Variants in TIRAP observed in about 807,000 individuals in gnomAD.
TIRAP encodes the protein toll/interleukin-1 receptor domain-containing adapter protein.
Under a neutral mutation model 19.8 loss-of-function variants are expected in TIRAP, and 20 were observed. The observed-to-expected ratio is 1.01, with a 90% CI of 0.71 to 1.47. TIRAP has a LOEUF of 1.47. Ranked by LOEUF, TIRAP falls within the 40% of genes most tolerant of loss-of-function variation. TIRAP has a pLI of 0.00. For synonymous variants in TIRAP, 125 were observed against 121.7 expected, an observed-to-expected ratio of 1.03 and a Z score of -0.18; for missense variants, 276 against 285.1, an observed-to-expected ratio of 0.97 and a Z score of 0.23.
chr11:126,293,643 C>T, intron 4 of TIRAP, 25 bp from the exon 5 acceptor site: 5 of 1,613,338 alleles, frequency 3.1e-6, no homozygotes, highest in Non-Finnish European at 4.2e-6. Context: ...GGAGGTGTGA[C>T]AACGCTGTGA....
In TIRAP at chr11:126,294,640, G is replaced by T. The variant is rs1299549077; in HGVS notation, c.*953G>T. On this transcript the variant is annotated 3_prime_UTR_variant, in exon 5 of 5. Transcript: ENST00000392679. ...GCAAGGTTTCATTCATCTGTTCTCA[G>T]TAAGTTTGTTGTTGAACTGAAATGA... The T allele has an allele frequency of 2.3e-6, 1 of 438,628 alleles. No homozygotes were observed. Among genetic ancestry groups the T allele is most frequent in the Non-Finnish European group, 4.6e-6 (1 of 218,416 alleles). The allele number at this position is 438,628 out of a possible 1,614,324, so 27.2% of individuals were successfully genotyped here.
rs1951275034 is a variant in TIRAP, at chr11:126,283,164, G to A, written c.-217+11G>A. On this transcript the variant is annotated intron_variant, in intron 1 of 4. Transcript: ENST00000392679. ...TGGGCCCGCGCGCAGGTGAGCCCGG[G>A]GCGGGGTCGCGGGGGACCGGGAGGC... 1.0e-6 allele frequency: 1 copy of A among 984,036 alleles called. No individual in the cohort carries two copies. Among genetic ancestry groups the A allele is most frequent in the Non-Finnish European group, 1.2e-6 (1 of 828,944 alleles). 61.0% of individuals were successfully genotyped at this position (984,036 alleles called of 1,614,324 possible). A position where few individuals can be genotyped will look rare whatever the true frequency, so the allele number is the denominator to read the frequency against.
At chr11:126,289,260 T>C (rs1260253074) in intron 1 of TIRAP, among the ~76,000 whole-genome samples, 1 of 152,202 alleles carries the variant, frequency 6.6e-6, no homozygotes, top group African/African-American at 2.4e-5. Context: ...AGCATTAATG[T>C]GCAGCATAGA....
In TIRAP at chr11:126,291,375, T is replaced by C. The variant is rs893230953; in HGVS notation, c.67+414T>C. The C allele has an allele frequency of 1.7e-6, 2 of 1,155,472 alleles. No individual in the cohort carries two copies. The highest frequency in any genetic ancestry group is 2.3e-6 in the Non-Finnish European group (2 of 857,968). 71.6% of individuals were successfully genotyped at this position (1,155,472 alleles called of 1,614,324 possible). A position where few individuals can be genotyped will look rare whatever the true frequency, so the allele number is the denominator to read the frequency against. Reference sequence around the variant, plus strand: ...TGGGGAAGCTGTTTTCATCTCCTTATGGAGTCCCATACTCCAAACACAGAC... The same window carrying C: ...TGGGGAAGCTGTTTTCATCTCCTTACGGAGTCCCATACTCCAAACACAGAC... On this transcript the variant is annotated intron_variant, in intron 3 of 4. Coordinates refer to ENST00000392679, the MANE Select transcript of TIRAP (RefSeq NM_001318777.2). This position sits in a 1 kb window ranked among gnomAD's most constrained non-coding sequence, Gnocchi z 5.6.
At position 126,290,407 on chromosome 11, in the gene TIRAP, T is replaced by C. The variant is rs1207363201; in HGVS notation, c.-216-55T>C. 1.0e-6 allele frequency: 1 copy of C among 986,580 alleles called. No homozygotes were observed. Among genetic ancestry groups the C allele is most frequent in the African/African-American group, 1.7e-5 (1 of 57,226 alleles). The allele number at this position is 986,580 out of a possible 1,614,324, so 61.1% of individuals were successfully genotyped here. On this transcript the variant is annotated intron_variant, in intron 1 of 4. Transcript: ENST00000392679. This position sits in a 1 kb window ranked among gnomAD's most constrained non-coding sequence, Gnocchi z 4.9. ...CTCTCTACTGTTCAGCTTCTGTCTA[T>C]CTGGATACATAATTATTTGTCCAAA...
At chr11:126,284,033 C>CTTTTT (rs749115228) in intron 1 of TIRAP, among the ~76,000 whole-genome samples, 47 of 113,116 alleles carry the variant, frequency 4.2e-4, no homozygotes, top group South Asian at 9.1e-4. Context: ...TCATGTACTT[C>CTTTTT]TTTTTTTTTT....
At position 126,294,674 on chromosome 11, in the gene TIRAP, A is replaced by T. The variant is rs1466048932; in HGVS notation, c.*987A>T. The stretch of plus-strand genomic sequence containing the variant: ...TTGTTGAACTGAAATGAATTTCATT[A>T]TTTCCTCCAATGTGTACTTTTGTGC... On this transcript the variant is annotated 3_prime_UTR_variant, in exon 5 of 5. Coordinates refer to ENST00000392679, the MANE Select transcript of TIRAP (RefSeq NM_001318777.2). 2 of 399,338 alleles carry T rather than the reference A, an allele frequency of 5.0e-6. No homozygotes were observed. The highest frequency in any genetic ancestry group is 1.0e-5 in the Non-Finnish European group (2 of 197,026). The allele number at this position is 399,338 out of a possible 1,614,324, so 24.7% of individuals were successfully genotyped here.
chr11:126,292,331 C>G, intron 3 of TIRAP, 146 bp from the exon 4 acceptor site: 2 of 729,310 alleles, frequency 2.7e-6, no homozygotes, highest in Non-Finnish European at 4.3e-6. Flanking sequence ...AGTGGAGCAA[C>G]AGGTCTCTGA....
intron 1 of TIRAP, among the ~76,000 whole-genome samples, chr11:126,285,512 G>C (rs958393826): frequency 6.6e-6 from 1 of 151,080 alleles, no homozygotes; most frequent in Non-Finnish European, 1.5e-5. Context: ...CGCCCGCCTC[G>C]GCCTCCCAAA....
chr11:126,293,531 G>A, intron 4 of TIRAP, 137 bp from the exon 5 acceptor site: 1 of 1,018,470 alleles, frequency 9.8e-7, no homozygotes, highest in East Asian at 2.4e-5. Context: ...GTGCATATAA[G>A]TGTATCTGGG....
intron 1 of TIRAP, among the ~76,000 whole-genome samples, chr11:126,285,260 T>TATATATATATATATATAA (rs773653398): frequency 0.024 from 3,207 of 135,016 alleles, 59 homozygotes; most frequent in South Asian, 0.041. Flanking sequence ...TATATATATA[T>TATATATATATATATATAA]AATATATATT....
chr11:126,283,939 C>T (rs1951285321), intron 1 of TIRAP, among the ~76,000 whole-genome samples: 1 of 151,554 alleles, frequency 6.6e-6, no homozygotes, highest in South Asian at 2.1e-4. Flanking sequence ...TCAGAGCAAT[C>T]AATAAAACAT....
Position 126,292,641 on chromosome 11 carries a change from G to C in TIRAP, c.232G>C (p.Gly78Arg). 1 of 1,614,154 alleles carries C rather than the reference G, an allele frequency of 6.2e-7. No homozygotes were observed. The highest frequency in any genetic ancestry group is 8.5e-7 in the Non-Finnish European group (1 of 1,180,020). Reference sequence around the variant, plus strand: ...GCCACCCACACATGCGAGTGACAGTGGCAGTAGTCGCTGGAGCAAAGACTA... The same window carrying C: ...GCCACCCACACATGCGAGTGACAGTCGCAGTAGTCGCTGGAGCAAAGACTA... ...SLPPTHASDS[G>R]SSRWSKDYDV... The change falls in exon 4 of 5, where the codon GGC becomes CGC. Residue 78 changes from glycine to arginine, a missense_variant. Gly to Arg is a moderately radical substitution (Grantham distance 125). Coordinates refer to ENST00000392679, the MANE Select transcript of TIRAP (RefSeq NM_001318777.2).
rs775206937 is a variant in TIRAP at position 126,292,901 on chromosome 11, C to A, written c.492C>A (p.Ala164=). ...DPWCKYQMLQ[A]LTEAPGAEGC... The stretch of plus-strand genomic sequence containing the variant: ...GGTGCAAGTACCAGATGCTGCAGGC[C>A]CTGACCGAGGCTCCAGGGGCCGAGG... The change falls in exon 4 of 5, where the codon GCC becomes GCA. Residue 164 remains alanine (A), a synonymous_variant. Coordinates refer to ENST00000392679, the MANE Select transcript of TIRAP (RefSeq NM_001318777.2). 1 of 1,613,676 alleles carries A rather than the reference C, an allele frequency of 6.2e-7. No homozygotes were observed. Among genetic ancestry groups the A allele is most frequent in the South Asian group, 1.1e-5 (1 of 91,042 alleles).
chr11:126,291,403 G>A lies in TIRAP; in HGVS notation c.67+442G>A, dbSNP rs1188294017. ...AGTCCCATACTCCAAACACAGACCT[G>A]AGCAGTGTTTCTCCCCCACAGACTG... On this transcript the variant is annotated intron_variant, in intron 3 of 4. Transcript: ENST00000392679. This position sits in a 1 kb window ranked among gnomAD's most constrained non-coding sequence, Gnocchi z 5.6. 1.5e-6 allele frequency: 2 copies of A among 1,316,348 alleles called. No individual in the cohort carries two copies. Among genetic ancestry groups the A allele is most frequent in the Admixed American group, 4.3e-5 (2 of 46,122 alleles). 81.5% of individuals were successfully genotyped at this position (1,316,348 alleles called of 1,614,324 possible).
chr11:126,289,381 G>A (rs1951356468), intron 1 of TIRAP, among the ~76,000 whole-genome samples: 1 of 152,170 alleles, frequency 6.6e-6, no homozygotes, highest in Admixed American at 6.5e-5. Context: ...AGGTTCAAGA[G>A]ATTCTTCTGC....
Position 126,290,717 on chromosome 11 carries a change from G to GA in TIRAP, c.-92-83dup. The GA allele has an allele frequency of 1.4e-6, 2 of 1,386,620 alleles. No homozygotes were observed. Among genetic ancestry groups the GA allele is most frequent in the Non-Finnish European group, 1.9e-6 (2 of 1,073,632 alleles). 85.9% of individuals were successfully genotyped at this position (1,386,620 alleles called of 1,614,324 possible). A position where few individuals can be genotyped will look rare whatever the true frequency, so the allele number is the denominator to read the frequency against. Reference sequence around the variant, plus strand: ...GAAGCCTCTGTCAGGCATTAGGAGAGAAACAGAACTTCGCAGAGCTCATCC... The same window carrying GA: ...GAAGCCTCTGTCAGGCATTAGGAGAGAAAACAGAACTTCGCAGAGCTCATCC... On this transcript the variant is annotated intron_variant, in intron 2 of 4. Transcript: ENST00000392679. The surrounding 1 kb of genome is among the most constrained non-coding windows in gnomAD (Gnocchi z 4.9).
intron 1 of TIRAP, among the ~76,000 whole-genome samples, chr11:126,284,791 T>C (rs1591371125): frequency 6.6e-6 from 1 of 151,228 alleles, no homozygotes; most frequent in East Asian, 1.9e-4. Flanking sequence ...GAGGCAGAGG[T>C]TGCAGGGAGC....
At chr11:126,283,853 A>G (rs1273772202) in intron 1 of TIRAP, among the ~76,000 whole-genome samples, 1 of 152,196 alleles carries the variant, frequency 6.6e-6, no homozygotes, top group Non-Finnish European at 1.5e-5. Flanking sequence ...TTTTAGATTT[A>G]AAAGAGTTGA....
Sources: gnomAD v4.1 joint callset for allele counts (sites outside exome capture counted in the v4.1 genomes callset) on GRCh38, gnomAD v4.1.1 for gene constraint, Gnocchi (gnomAD v3.1) non-coding constraint, MANE v1.5 for transcripts, NCBI Gene and HGNC (gene_info 2026-07-23, HGNC 2026-07-21) for gene names.